Variants in SLC30A6 observed in about 807,000 individuals in gnomAD.
SLC30A6 encodes the protein solute carrier family 30 member 6.
SLC30A6 carries 55 observed loss-of-function variants against 63.0 expected under a neutral mutation model. The observed-to-expected ratio is 0.87, with a 90% CI of 0.70 to 1.09. The LOEUF is 1.09. Ranked by LOEUF, SLC30A6 falls within the 50% of genes least tolerant of loss-of-function variation. The pLI is 0.00. For missense variants in SLC30A6, 587 were observed against 549.2 expected, an observed-to-expected ratio of 1.07 and a Z score of -0.69; for synonymous variants, 224 against 186.1, an observed-to-expected ratio of 1.20 and a Z score of -1.66.
chr2:32,207,271 C>T (rs183542591), intron 12 of SLC30A6, among the ~76,000 whole-genome samples: 2 of 151,574 alleles, frequency 1.3e-5, no homozygotes, highest in Admixed American at 6.6e-5. Flanking sequence ...AGTGCAGTGG[C>T]GCAATCTCAG....
At chr2:32,205,706 G>A (rs572456537) in intron 11 of SLC30A6, among the ~76,000 whole-genome samples, 4 of 103,320 alleles carry the variant, frequency 3.9e-5, no homozygotes, top group African/African-American at 1.5e-4. Flanking sequence ...TCTCTCTCTT[G>A]ACCAGGCTGG....
intron 10 of SLC30A6, chr2:32,203,048 G>T: frequency 8.0e-7 from 1 of 1,249,158 alleles, no homozygotes; most frequent in South Asian, 1.2e-5. Context: ...AGAATGCCCA[G>T]TGTTTACATG....
intron 4 of SLC30A6, among the ~76,000 whole-genome samples, chr2:32,182,928 C>T (rs1481061414): frequency 1.3e-5 from 2 of 152,158 alleles, no homozygotes; most frequent in African/African-American, 2.4e-5. Flanking sequence ...GTGCCTCACA[C>T]CTGTAATCCC....
chr2:32,194,350 T>G (rs1683593448), intron 8 of SLC30A6, among the ~76,000 whole-genome samples: 1 of 152,216 alleles, frequency 6.6e-6, no homozygotes. Context: ...ATATGCTAAT[T>G]GAAAATAATT....
rs533870193 is a variant in SLC30A6, at chr2:32,218,160, C to G, written c.886-2053C>G. Among the ~76,000 whole-genome samples, 4 of 152,206 alleles carry G rather than the reference C, an allele frequency of 2.6e-5. No homozygotes were observed. In the South Asian group the frequency reaches 8.3e-4, roughly 32 times the overall value. On this transcript the variant is annotated intron_variant, in intron 13 of 13. Coordinates refer to ENST00000282587, the MANE Select transcript of SLC30A6 (RefSeq NM_017964.5). ...TATGGACCGGGCATGGTGGCTCACG[C>G]CCGTAATCCCAGCACTTTGGGAGGC... is the stretch of plus-strand genomic sequence containing the variant.
chr2:32,211,803 A>G (rs1685280495), intron 13 of SLC30A6, among the ~76,000 whole-genome samples: 1 of 151,780 alleles, frequency 6.6e-6, no homozygotes, highest in Non-Finnish European at 1.5e-5. Context: ...TTTTTTTAGT[A>G]GAGATGGGGT....
At position 32,186,821 on chromosome 2, in the gene SLC30A6, C is replaced by A. The variant is rs570812601; in HGVS notation, c.284+2483C>A. Among the ~76,000 whole-genome samples, 4 of 151,606 alleles carry A rather than the reference C, an allele frequency of 2.6e-5. No homozygotes were observed. The East Asian group carries it at 7.7e-4, about 29-fold the overall frequency. The stretch of plus-strand genomic sequence containing the variant: ...AGACCATCCTGAGCAAAGAGCGAGA[C>A]CCCGTCTCTACAAAAAAATACAAAA... On this transcript the variant is annotated intron_variant, in intron 5 of 13. Coordinates refer to ENST00000282587, the MANE Select transcript of SLC30A6 (RefSeq NM_017964.5).
intron 2 of SLC30A6, among the ~76,000 whole-genome samples, chr2:32,172,053 A>G (rs1393410395): frequency 1.3e-5 from 2 of 152,210 alleles, no homozygotes; most frequent in African/African-American, 4.8e-5. Flanking sequence ...GTAAATAAAA[A>G]GATGTAATTG....
At chr2:32,202,959 G>A in intron 10 of SLC30A6, 1 of 1,132,360 alleles carries the variant, frequency 8.8e-7, no homozygotes, top group Non-Finnish European at 1.3e-6. Flanking sequence ...AGTCTACAGT[G>A]GGTCTGAAGG....
intron 13 of SLC30A6, among the ~76,000 whole-genome samples, chr2:32,215,664 C>T (rs947596268): frequency 6.6e-6 from 1 of 150,968 alleles, no homozygotes; most frequent in African/African-American, 2.4e-5. Context: ...TGATACTTGT[C>T]TCTGTTCTTC....
At chr2:32,180,979 T>G (rs1248757770) in intron 4 of SLC30A6, among the ~76,000 whole-genome samples, 1 of 152,190 alleles carries the variant, frequency 6.6e-6, no homozygotes, top group Non-Finnish European at 1.5e-5. Context: ...AAGGTGTGAT[T>G]TAGATTCATT....
At chr2:32,210,985 T>A (rs773318247) in intron 13 of SLC30A6, among the ~76,000 whole-genome samples, 14 of 152,186 alleles carry the variant, frequency 9.2e-5, no homozygotes, top group Non-Finnish European at 1.9e-4. Flanking sequence ...GAGTTACCTA[T>A]GGGGCACTCC....
intron 5 of SLC30A6, 72 bp from the exon 6 acceptor site, chr2:32,192,264 T>C: frequency 1.4e-6 from 2 of 1,386,144 alleles, no homozygotes; most frequent in Non-Finnish European, 2.1e-6. Context: ...TAAATGAATG[T>C]AAATGTGTTC....
At chr2:32,198,270 T>A (rs935434610) in intron 10 of SLC30A6, among the ~76,000 whole-genome samples, 1 of 152,220 alleles carries the variant, frequency 6.6e-6, no homozygotes, top group Non-Finnish European at 1.5e-5. Flanking sequence ...AATATTAGTC[T>A]TTACTAGAAT....
chr2:32,206,294 A>C (rs1197312548), intron 11 of SLC30A6, among the ~76,000 whole-genome samples: 4 of 151,974 alleles, frequency 2.6e-5, no homozygotes, highest in Non-Finnish European at 4.4e-5. Flanking sequence ...AAAATGCAAA[A>C]AATTAGCCGG....
rs564072448 is a variant in SLC30A6, at chr2:32,215,936, C to T, written c.886-4277C>T. 1.6e-4 allele frequency among the ~76,000 whole-genome samples: 24 copies of T among 152,232 alleles called. 1 individual carries two copies. The highest frequency in any genetic ancestry group is 1.3e-3 in the Admixed American group (20 of 15,296). ...TCAAACTCTTCCTTAAGCAATCCAA[C>T]CTAGGTGCCCATCAATCCTAGGTGT... On this transcript the variant is annotated intron_variant, in intron 13 of 13. Transcript: ENST00000282587.
rs867153165 is a variant in SLC30A6 at position 32,175,317 on chromosome 2, A to G, written c.176-2A>G. On this transcript the variant is annotated splice_acceptor_variant, in intron 3 of 13. Coordinates refer to ENST00000282587, the MANE Select transcript of SLC30A6 (RefSeq NM_017964.5). LOFTEE classifies it high-confidence loss of function. Reference sequence around the variant, plus strand: ...TTTAATCATTTTTTTGTTGTTTTGCAGCTTTAACTGCCTATACTTACCTGA... The same window carrying G: ...TTTAATCATTTTTTTGTTGTTTTGCGGCTTTAACTGCCTATACTTACCTGA... 6.2e-7 allele frequency: 1 copy of G among 1,610,032 alleles called. No homozygotes were observed. The highest frequency in any genetic ancestry group is 8.5e-7 in the Non-Finnish European group (1 of 1,178,932).
At chr2:32,207,881 G>A (rs774458669) in intron 12 of SLC30A6, among the ~76,000 whole-genome samples, 1 of 149,828 alleles carries the variant, frequency 6.7e-6, no homozygotes, top group African/African-American at 2.5e-5. Context: ...TGTATTTTTA[G>A]TAGAGACAGG....
rs1185902135 is a variant in SLC30A6, at chr2:32,222,663, G to A, written c.*1950G>A. On this transcript the variant is annotated 3_prime_UTR_variant, in exon 14 of 14. Coordinates refer to ENST00000282587, the MANE Select transcript of SLC30A6 (RefSeq NM_017964.5). ...AGCCTACACTACCTTGACTACTGGG[G>A]AAAATGATACTTCGTAAAATGTAAT... 2 of 152,178 alleles carry A rather than the reference G, an allele frequency of 1.3e-5. No homozygotes were observed. The highest frequency in any genetic ancestry group is 4.8e-5 in the African/African-American group (2 of 41,434). The allele number at this position is 152,178 out of a possible 1,614,324, so 9.4% of individuals were successfully genotyped here.
Sources: gnomAD v4.1 joint callset for allele counts (sites outside exome capture counted in the v4.1 genomes callset) on GRCh38, gnomAD v4.1.1 for gene constraint, MANE v1.5 for transcripts, NCBI Gene and HGNC (gene_info 2026-07-23, HGNC 2026-07-21) for gene names.